The following EEF1E1 variants were observed in gnomAD, a reference collection of about 807,000 sequenced individuals.
EEF1E1 encodes the protein eukaryotic translation elongation factor 1 epsilon-1.
A neutral mutation model predicts 19.9 loss-of-function variants in EEF1E1; 19 were observed. The observed-to-expected ratio is 0.95, with a 90% CI of 0.66 to 1.40. The LOEUF (loss-of-function observed/expected upper bound fraction) is 1.40. Among genes scored for constraint, EEF1E1 ranks in the 40% most tolerant of loss-of-function variants. EEF1E1 has a pLI of 0.00. For missense variants in EEF1E1, 198 were observed against 202.2 expected (o/e 0.98, Z 0.13); for synonymous variants, 81 against 80.0 (o/e 1.01, Z -0.07).
rs928246977 is a variant in EEF1E1, at chr6:8,073,615, A to T, written c.385-105T>A. 9.8e-5 allele frequency: 141 copies of T among 1,437,982 alleles called. No individual in the cohort carries two copies. The Middle Eastern group carries it at 1.8e-3, about 18-fold the overall frequency. The allele number at this position is 1,437,982 out of a possible 1,614,324, so 89.1% of individuals were successfully genotyped here. A position where few individuals can be genotyped will look rare whatever the true frequency, so the allele number is the denominator to read the frequency against. ...ATGTTATCTATTATTGTTGTTATTA[A>T]AAGTTTTAACAGATATTTTAAAAAG... On this transcript the variant is annotated intron_variant, in intron 3 of 3. Transcript: ENST00000429723.
chr6:8,098,143 G>A (rs1241324565), intron 1 of EEF1E1, among the ~76,000 whole-genome samples: 5 of 150,708 alleles, frequency 3.3e-5, no homozygotes, highest in East Asian at 1.9e-4. Context: ...CATTTGAGAC[G>A]GAATCGCACT....
downstream of EEF1E1, among the ~76,000 whole-genome samples, chr6:8,075,785 T>A (rs182976969): frequency 6.6e-6 from 1 of 152,328 alleles, no homozygotes; most frequent in Admixed American, 6.5e-5. Flanking sequence ...GCAATGCTAT[T>A]TGATGGCATT....
chr6:8,095,688 G>T (rs917545031), intron 2 of EEF1E1, among the ~76,000 whole-genome samples: 2 of 151,686 alleles, frequency 1.3e-5, no homozygotes, highest in Non-Finnish European at 1.5e-5. Flanking sequence ...GTTCTCTCTT[G>T]TTGGTGGGAC....
Position 8,090,280 on chromosome 6 carries a change from T to G in EEF1E1, c.290A>C (p.Asp97Ala). 1 of 1,475,536 alleles carries G rather than the reference T, an allele frequency of 6.8e-7. No individual in the cohort carries two copies. The highest frequency in any genetic ancestry group is 8.9e-7 in the Non-Finnish European group (1 of 1,119,598). 91.4% of individuals were successfully genotyped at this position (1,475,536 alleles called of 1,614,324 possible). A position where few individuals can be genotyped will look rare whatever the true frequency, so the allele number is the denominator to read the frequency against. The change falls in exon 3 of 4, where the codon GAT (aspartate) becomes GCT (alanine). Residue 97 changes from aspartate (D) to alanine (A), a missense_variant and splice_region_variant. Transcript: ENST00000379715. Reference sequence around the variant, plus strand: ...TTTATCTTCAAGATATGAATTAAGATCCTAGAAAAAAGAAAAAACAAATAA... The same window carrying G: ...TTTATCTTCAAGATATGAATTAAGAGCCTAGAAAAAAGAAAAAACAAATAA... Reference protein sequence around the residue: ...SKNDIHTLLKDLNSYLEDKVY... With the variant: ...SKNDIHTLLKALNSYLEDKVY...
intron 1 of EEF1E1, among the ~76,000 whole-genome samples, chr6:8,101,225 CAAAA>C (rs778878465): frequency 3.2e-4 from 1 of 3,114 alleles, no homozygotes; most frequent in Non-Finnish European, 5.1e-4. Flanking sequence ...GACTTTGTCT[CAAAA>C]AAAAAAAAAA....
In EEF1E1 at chr6:8,099,791, C is replaced by CACAAA. The variant is rs768224090; in HGVS notation, c.88-2325_88-2324insTTTGT. Among the ~76,000 whole-genome samples the CACAAA allele has an allele frequency of 3.5e-4, 40 of 114,672 alleles. 1 individual carries two copies. The highest frequency in any genetic ancestry group is 7.6e-4 in the African/African-American group (23 of 30,142). The allele number at this position is 114,672 out of a possible 152,430, so 75.2% of individuals were successfully genotyped here. A position where few individuals can be genotyped will look rare whatever the true frequency, so the allele number is the denominator to read the frequency against. ...ACACACACACACACACACACACACA[C>CACAAA]AAAAAAAAAACAGAACCCTCTATAA... On this transcript the variant is annotated intron_variant, in intron 1 of 3. Coordinates refer to ENST00000379715, the MANE Select transcript of EEF1E1 (RefSeq NM_004280.5).
chr6:8,096,282 A>G (rs1758172433), intron 2 of EEF1E1, among the ~76,000 whole-genome samples: 1 of 152,174 alleles, frequency 6.6e-6, no homozygotes, highest in South Asian at 2.1e-4. Context: ...TTTGCCTGAA[A>G]TCTCACATTC....
At chr6:8,089,774 A>G (rs1175742234) in intron 3 of EEF1E1, among the ~76,000 whole-genome samples, 2 of 152,162 alleles carry the variant, frequency 1.3e-5, no homozygotes, top group Non-Finnish European at 2.9e-5. Context: ...TGGAGTTAAG[A>G]TCTAGAGGTG....
chr6:8,097,786 A>G (rs1758214650), intron 1 of EEF1E1, among the ~76,000 whole-genome samples: 1 of 152,214 alleles, frequency 6.6e-6, no homozygotes, highest in Non-Finnish European at 1.5e-5. Flanking sequence ...ATTATACTGT[A>G]TTAATTTCAA....
Position 8,090,280 on chromosome 6 carries a change from T to A in EEF1E1, c.290A>T (p.Asp97Val), listed in dbSNP as rs765573214. 8.8e-6 allele frequency: 13 copies of A among 1,475,536 alleles called. No homozygotes were observed. Among genetic ancestry groups the A allele is most frequent in the South Asian group, 1.5e-5 (1 of 65,420 alleles). The allele number at this position is 1,475,536 out of a possible 1,614,324, so 91.4% of individuals were successfully genotyped here. A position where few individuals can be genotyped will look rare whatever the true frequency, so the allele number is the denominator to read the frequency against. ...TTTATCTTCAAGATATGAATTAAGA[T>A]CCTAGAAAAAAGAAAAAACAAATAA... is the stretch of plus-strand genomic sequence containing the variant. ...SKNDIHTLLK[D>V]LNSYLEDKVY... Residue 97 changes from aspartate (D) to valine (V), a missense_variant and splice_region_variant, in exon 3 of 4, where the codon GAT (aspartate) becomes GTT (valine). Asp to Val is a radical substitution (Grantham distance 152). Transcript: ENST00000379715.
At chr6:8,101,992 T>C (rs2113673815) in intron 1 of EEF1E1, 1 of 1,242,084 alleles carries the variant, frequency 8.1e-7, no homozygotes, top group South Asian at 1.4e-5. Flanking sequence ...CCCTAAATCA[T>C]CATTGTATTC....
chr6:8,075,044 G>A (rs1757559510), downstream of EEF1E1, among the ~76,000 whole-genome samples: 1 of 152,186 alleles, frequency 6.6e-6, no homozygotes, highest in South Asian at 2.1e-4. Context: ...CCTATTTCCT[G>A]TTGCCTCTAT....
intron 2 of EEF1E1, among the ~76,000 whole-genome samples, chr6:8,091,337 G>A (rs1758005863): frequency 6.6e-6 from 1 of 152,072 alleles, no homozygotes; most frequent in Non-Finnish European, 1.5e-5. Flanking sequence ...TATCTTCTTT[G>A]GCTAAATGTA....
At chr6:8,101,649 AC>A in intron 1 of EEF1E1, 1 of 868,726 alleles carries the variant, frequency 1.2e-6, no homozygotes, top group Non-Finnish European at 1.5e-6. Context: ...AGCAAAAAAA[AC>A]ATATATCCAA....
chr6:8,088,863 G>A (rs959584243), intron 3 of EEF1E1, among the ~76,000 whole-genome samples: 8 of 151,982 alleles, frequency 5.3e-5, no homozygotes, highest in South Asian at 2.1e-4. Flanking sequence ...AGGAAGGCTC[G>A]GTGATAAGGA....
At chr6:8,099,751 AACACACACACACACACACACACACACAC>A (rs1554099744) in intron 1 of EEF1E1, among the ~76,000 whole-genome samples, 1 of 92,928 alleles carries the variant, frequency 1.1e-5, no homozygotes, top group Admixed American at 1.2e-4. Flanking sequence ...CCGCCTCAAA[AACACACACACACACACACACACACACAC>A]ACACACACAC....
downstream of EEF1E1, chr6:8,078,690 G>A: frequency 2.3e-6 from 3 of 1,285,940 alleles, no homozygotes; most frequent in Non-Finnish European, 3.0e-6. Flanking sequence ...GACAAACATG[G>A]GGGCCTGTTA....
At chr6:8,089,512 G>A (rs145374402) in intron 3 of EEF1E1, among the ~76,000 whole-genome samples, 2,372 of 152,244 alleles carry the variant, frequency 0.016, 71 homozygotes, top group African/African-American at 0.055. Context: ...GGAGAAAGAC[G>A]TAGGCTGGGA....
At position 8,090,175 on chromosome 6, in the gene EEF1E1, C is replaced by T. The variant is rs1169106700; in HGVS notation, c.384+11G>A. 2.0e-6 allele frequency: 3 copies of T among 1,509,546 alleles called. No homozygotes were observed. The highest frequency in any genetic ancestry group is 1.8e-6 in the Non-Finnish European group (2 of 1,130,544). The allele number at this position is 1,509,546 out of a possible 1,614,324, so 93.5% of individuals were successfully genotyped here. A position where few individuals can be genotyped will look rare whatever the true frequency, so the allele number is the denominator to read the frequency against. On this transcript the variant is annotated intron_variant, in intron 3 of 3. Coordinates refer to ENST00000379715, the MANE Select transcript of EEF1E1 (RefSeq NM_004280.5). ...TACAGAAAAAAAGCCAGTAACTATA[C>T]AAATACTCACTATAAAGCGATGAAG... is the stretch of plus-strand genomic sequence containing the variant.
Sources: allele counts gnomAD v4.1 joint callset (sites outside exome capture counted in the v4.1 genomes callset), GRCh38; gene constraint gnomAD v4.1.1; transcripts MANE v1.5; gene names NCBI Gene and HGNC (gene_info 2026-07-23, HGNC 2026-07-21).